The following STX8 variants were observed in gnomAD, a reference collection of about 807,000 sequenced individuals.
STX8 encodes syntaxin-8.
A neutral mutation model predicts 37.5 loss-of-function variants in STX8; 23 were observed. That is an observed-to-expected ratio of 0.61 (90% CI 0.44 to 0.87). The LOEUF is 0.87. STX8 is among the 40% of genes least tolerant of loss of function. The pLI, the probability that STX8 is intolerant of heterozygous loss-of-function variation, is 0.00. For missense variants in STX8, 313 were observed against 284.7 expected, an observed-to-expected ratio of 1.10 and a Z score of -0.71; for synonymous variants, 115 against 99.1, an observed-to-expected ratio of 1.16 and a Z score of -0.95.
chr17:9,448,174 C>CA (rs71930141), intron 6 of STX8, among the ~76,000 whole-genome samples: 94,661 of 140,306 alleles, frequency 0.67, 32,580 homozygotes, highest in East Asian at 0.91. Context: ...GACTCCATCT[C>CA]AAAAAAAAAA....
At chr17:9,501,695 C>T (rs1016592357) in intron 5 of STX8, among the ~76,000 whole-genome samples, 2 of 147,964 alleles carry the variant, frequency 1.4e-5, no homozygotes, top group Non-Finnish European at 3.0e-5. Context: ...ATAAACAGGC[C>T]AGGCACGGTG....
intron 7 of STX8, among the ~76,000 whole-genome samples, chr17:9,362,828 C>CAAAAAAA (rs765809132): frequency 2.0e-5 from 2 of 102,148 alleles, no homozygotes; most frequent in African/African-American, 9.4e-5. Context: ...GACTCCGTCT[C>CAAAAAAA]AAAAAAAAAA....
At chr17:9,467,719 G>A (rs946472875) in intron 6 of STX8, among the ~76,000 whole-genome samples, 4 of 152,146 alleles carry the variant, frequency 2.6e-5, no homozygotes, top group African/African-American at 7.2e-5. Context: ...TCCACTCTCC[G>A]GAGTGGCTCG....
intron 6 of STX8, among the ~76,000 whole-genome samples, chr17:9,454,212 A>G (rs1192931901): frequency 6.6e-6 from 1 of 152,168 alleles, no homozygotes; most frequent in African/African-American, 2.4e-5. Flanking sequence ...CTCAGATAGT[A>G]CCAAACCCTT....
intron 7 of STX8, among the ~76,000 whole-genome samples, chr17:9,314,437 T>C (rs191708269): frequency 3.3e-5 from 5 of 152,184 alleles, no homozygotes; most frequent in East Asian, 1.9e-4. Context: ...TCACTCTCTC[T>C]CCCAGTCTGG....
intron 6 of STX8, among the ~76,000 whole-genome samples, chr17:9,429,393 TTATAAATA>T (rs1913762808): frequency 6.9e-6 from 1 of 144,972 alleles, no homozygotes; most frequent in African/African-American, 2.5e-5. Context: ...TATTTATATA[TTATAAATA>T]TATAAATATA....
In STX8 at chr17:9,559,734, T is replaced by TTA. The variant is rs1009971082; in HGVS notation, c.118-2208_118-2207dup. Among the ~76,000 whole-genome samples, 179 of 48,748 alleles carry TTA rather than the reference T, an allele frequency of 3.7e-3. 7 individuals carry two copies. The highest frequency in any genetic ancestry group is 5.6e-3 in the African/African-American group (79 of 14,184). The allele number at this position is 48,748 out of a possible 152,430, so 32.0% of individuals were successfully genotyped here. On this transcript the variant is annotated intron_variant, in intron 2 of 7. Coordinates refer to ENST00000306357, the MANE Select transcript of STX8 (RefSeq NM_004853.3). ...AATCAACTGAAAGATTATTATTATT[T>TTA]TATATATATATATATATATATATAT...
At chr17:9,413,876 A>G (rs1913059263) in intron 6 of STX8, among the ~76,000 whole-genome samples, 1 of 150,044 alleles carries the variant, frequency 6.7e-6, no homozygotes, top group Non-Finnish European at 1.5e-5. Context: ...GTATGCATCT[A>G]TCGATCCATC....
chr17:9,321,866 A>T (rs1567782730), intron 7 of STX8, among the ~76,000 whole-genome samples: 1 of 152,200 alleles, frequency 6.6e-6, no homozygotes. Context: ...AAACAGGAAA[A>T]GGAAAAATGG....
rs547611818 is a variant in STX8, at chr17:9,476,460, C to CT, written c.541+15368dup. On this transcript the variant is annotated intron_variant, in intron 6 of 7. Coordinates refer to ENST00000306357, the MANE Select transcript of STX8 (RefSeq NM_004853.3). ...TTGTTTCTTCTTTTCTTTTTTTTTTCTTTTTTTTTTGAGATAGAGTCTCGT... is the reference window on the plus strand; with the variant it reads ...TTGTTTCTTCTTTTCTTTTTTTTTTCTTTTTTTTTTTGAGATAGAGTCTCGT... 6.6e-3 allele frequency among the ~76,000 whole-genome samples: 953 copies of CT among 144,650 alleles called. 5 individuals carry two copies. Among genetic ancestry groups the CT allele is most frequent in the Middle Eastern group, 0.011 (3 of 284 alleles). 94.9% of individuals were successfully genotyped at this position (144,650 alleles called of 152,430 possible).
At chr17:9,537,847 C>T (rs1906120566) in intron 4 of STX8, among the ~76,000 whole-genome samples, 1 of 152,144 alleles carries the variant, frequency 6.6e-6, no homozygotes, top group Non-Finnish European at 1.5e-5. Context: ...TATTAATATG[C>T]TCTCAAAATA....
In STX8 at chr17:9,446,132, G is replaced by A. The variant is rs1328787992; in HGVS notation, c.541+45697C>T. On this transcript the variant is annotated intron_variant, in intron 6 of 7. Coordinates refer to ENST00000306357, the MANE Select transcript of STX8 (RefSeq NM_004853.3). ...ATTACAGGCGTGAGCCACTGTGCGT[G>A]GCCTCCTTAAAAAATATTTTAAACA... Among the ~76,000 whole-genome samples the A allele has an allele frequency of 2.6e-5, 4 of 152,176 alleles. No homozygotes were observed. The East Asian group carries it at 5.8e-4, about 22-fold the overall frequency.
intron 3 of STX8, among the ~76,000 whole-genome samples, chr17:9,545,649 C>T (rs995649418): frequency 3.4e-4 from 52 of 152,200 alleles, no homozygotes; most frequent in African/African-American, 9.7e-4. Flanking sequence ...GGCGCGATCT[C>T]GGCCCACTGC....
At chr17:9,255,043 T>G (rs753834349) in intron 7 of STX8, among the ~76,000 whole-genome samples, 1 of 152,082 alleles carries the variant, frequency 6.6e-6, no homozygotes, top group Non-Finnish European at 1.5e-5. Flanking sequence ...AGAGACAAGA[T>G]AGAAGAATGC....
At chr17:9,263,799 G>A (rs996875497) in intron 7 of STX8, among the ~76,000 whole-genome samples, 2 of 152,178 alleles carry the variant, frequency 1.3e-5, no homozygotes, top group Non-Finnish European at 2.9e-5. Flanking sequence ...CTCGCTAATT[G>A]TATTTTCTGA....
intron 7 of STX8, among the ~76,000 whole-genome samples, chr17:9,347,396 C>A (rs9889563): frequency 7.9e-5 from 12 of 152,008 alleles, no homozygotes; most frequent in Non-Finnish European, 1.5e-4. Flanking sequence ...AAGCTTTTTT[C>A]CTTTTTAAAA....
intron 1 of STX8, among the ~76,000 whole-genome samples, chr17:9,573,839 G>A (rs1907787756): frequency 6.6e-6 from 1 of 152,004 alleles, no homozygotes; most frequent in Non-Finnish European, 1.5e-5. Context: ...TTCTAGACAG[G>A]GAGCCCAAGG....
intron 7 of STX8, among the ~76,000 whole-genome samples, chr17:9,327,186 A>G (rs1404320500): frequency 1.3e-5 from 2 of 150,656 alleles, no homozygotes; most frequent in African/African-American, 4.9e-5. Flanking sequence ...AGAAGAAGGA[A>G]GAAGAAGGAA....
At chr17:9,290,209 GCTTT>G (rs1183508352) in intron 7 of STX8, among the ~76,000 whole-genome samples, 1 of 152,108 alleles carries the variant, frequency 6.6e-6, no homozygotes, top group Non-Finnish European at 1.5e-5. Flanking sequence ...GGTGACTCTT[GCTTT>G]CTGTTTTCTC....
Sources: allele counts gnomAD v4.1 joint callset (sites outside exome capture counted in the v4.1 genomes callset), GRCh38; gene constraint gnomAD v4.1.1; transcripts MANE v1.5; gene names NCBI Gene and HGNC (gene_info 2026-07-23, HGNC 2026-07-21).